The following DMD variants were observed in gnomAD, a reference collection of about 807,000 sequenced individuals.
The protein encoded by DMD is mutant dystrophin.
A neutral mutation model predicts 330.1 loss-of-function variants in DMD; 63 were observed. The ratio of observed to expected loss-of-function variants is 0.19; its 90% CI spans 0.16 to 0.24. The LOEUF (loss-of-function observed/expected upper bound fraction) is 0.24, where lower values mean the gene tolerates loss of function less well. Ranked by LOEUF, DMD falls within the 10% of genes least tolerant of loss-of-function variation. The pLI is 1.00. For missense variants in DMD, 3,344 were observed against 2,684.1 expected, an observed-to-expected ratio of 1.25 and a Z score of -5.43; for synonymous variants, 1,223 against 959.8, an observed-to-expected ratio of 1.27 and a Z score of -5.07.
intron 1 of DMD, among the ~76,000 whole-genome samples, chrX:33,229,847 T>C: frequency 8.9e-6 from 1 of 112,339 alleles, no homozygotes; most frequent in Non-Finnish European, 1.9e-5. Flanking sequence ...ATAGATTAAT[T>C]TGGAGATAAT....
intron 9 of DMD, among the ~76,000 whole-genome samples, chrX:32,647,539 G>A (rs945961286): frequency 1.8e-5 from 2 of 111,509 alleles, no homozygotes; most frequent in Admixed American, 9.6e-5. Context: ...CTCCTGTTAT[G>A]TTCCTATATG....
chrX:32,543,430 T>C (rs1490645285), intron 17 of DMD, among the ~76,000 whole-genome samples: 4 of 111,318 alleles, frequency 3.6e-5, no homozygotes, highest in Non-Finnish European at 7.5e-5. Context: ...TGTTAATTTC[T>C]GTATTAGGCA....
chrX:31,226,576 C>T (rs763967760), intron 63 of DMD, among the ~76,000 whole-genome samples: 1 of 111,464 alleles, frequency 9.0e-6, no homozygotes, highest in Non-Finnish European at 1.9e-5. Flanking sequence ...CTTTAATTGT[C>T]CTTCTCTCTC....
intron 1 of DMD, among the ~76,000 whole-genome samples, chrX:33,055,281 G>A (rs2094503591): frequency 1.8e-5 from 2 of 111,540 alleles, no homozygotes; most frequent in Admixed American, 9.6e-5. Flanking sequence ...GACTTGGGCC[G>A]TGACAAAATC....
At chrX:31,956,382 A>G (rs181375316) in intron 45 of DMD, among the ~76,000 whole-genome samples, 1,231 of 112,016 alleles carry the variant, frequency 0.011, 53 homozygotes, top group Admixed American at 0.11. Context: ...ATTTGTTGCT[A>G]TGGATAACAA....
intron 1 of DMD, among the ~76,000 whole-genome samples, chrX:33,332,082 A>G (rs754840179): frequency 8.9e-6 from 1 of 111,821 alleles, no homozygotes; most frequent in South Asian, 3.7e-4. Context: ...ATTACAGCTA[A>G]CTTGAGTTTT....
chrX:32,953,885 C>A (rs207478230), intron 2 of DMD, among the ~76,000 whole-genome samples: 4 of 112,059 alleles, frequency 3.6e-5, no homozygotes, highest in African/African-American at 1.3e-4. Context: ...AGCTGTTCTA[C>A]TGCATTAATC....
chrX:32,932,470 A>C (rs1261404865), intron 2 of DMD, among the ~76,000 whole-genome samples: 1 of 111,993 alleles, frequency 8.9e-6, no homozygotes, highest in Non-Finnish European at 1.9e-5. Context: ...TTTTCCATCT[A>C]TGGGGTAAAA....
At position 32,459,592 on chromosome X, in the gene DMD, C is replaced by G. The variant is rs760188571; in HGVS notation, c.3432+3847G>C. Among the ~76,000 whole-genome samples the G allele has an allele frequency of 2.7e-5, 3 of 111,352 alleles. No individual in the cohort carries two copies. In the East Asian group the frequency reaches 8.5e-4, roughly 32 times the overall value. ...ATATGGCTAAGATGGAACCGCTAGT[C>G]ACTCTAGTAAGCTATTCCATTTTGT... is the stretch of plus-strand genomic sequence containing the variant. On this transcript the variant is annotated intron_variant, in intron 25 of 78. Coordinates refer to ENST00000357033, the MANE Select transcript of DMD (RefSeq NM_004006.3).
Position 32,412,000 on chromosome X carries a change from T to C in DMD, c.4072-87A>G, listed in dbSNP as rs748405788. 38 of 1,189,587 alleles carry C rather than the reference T, an allele frequency of 3.2e-5. No homozygotes were observed. The South Asian group carries it at 5.8e-4, about 18-fold the overall frequency. On this transcript the variant is annotated intron_variant, in intron 29 of 78. Coordinates refer to ENST00000357033, the MANE Select transcript of DMD (RefSeq NM_004006.3). ...CCTGCTGAACAATAAATGAAGATTCTAGACTCTTCCACAATCACCTTTTTG... is the reference window on the plus strand; with the variant it reads ...CCTGCTGAACAATAAATGAAGATTCCAGACTCTTCCACAATCACCTTTTTG...
At chrX:32,256,376 G>A (rs886763132) in intron 43 of DMD, among the ~76,000 whole-genome samples, 2 of 103,318 alleles carry the variant, frequency 1.9e-5, no homozygotes, top group South Asian at 4.3e-4. Context: ...AAAATATTCC[G>A]CCATCCCTTT....
At chrX:31,494,239 C>T (rs769152758) in intron 57 of DMD, among the ~76,000 whole-genome samples, 81 of 109,648 alleles carry the variant, frequency 7.4e-4, no homozygotes, top group African/African-American at 2.6e-3. Flanking sequence ...AGGTACTGTA[C>T]CAGACAACTA....
rs776755942 is a variant in DMD at position 32,034,051 on chromosome X, G to A, written c.6439-65537C>T. On this transcript the variant is annotated intron_variant, in intron 44 of 78. Transcript: ENST00000357033. ...TCTTACAGCTGGGATGCTCTCCGAA[G>A]GCATTATTATTCCTTTTTCTTAAGG... Among the ~76,000 whole-genome samples, 8 of 111,613 alleles carry A rather than the reference G, an allele frequency of 7.2e-5. No homozygotes were observed. The Admixed American group carries it at 7.6e-4, about 11-fold the overall frequency.
intron 21 of DMD, among the ~76,000 whole-genome samples, chrX:32,483,820 CAA>C (rs770119472): frequency 2.7e-5 from 1 of 37,257 alleles, no homozygotes; most frequent in Non-Finnish European, 4.3e-5. Context: ...CTCTGAAGTA[CAA>C]AAAAAAAAAA....
chrX:31,481,201 T>C (rs1385428230), intron 57 of DMD, among the ~76,000 whole-genome samples: 2 of 112,559 alleles, frequency 1.8e-5, no homozygotes, highest in Non-Finnish European at 3.8e-5. Context: ...TGCCTCTCTA[T>C]GATCACATAT....
intron 1 of DMD, 140 bp downstream of exon 1, chrX:33,211,142 T>C (rs1228898627): frequency 4.5e-6 from 3 of 672,188 alleles, no homozygotes; most frequent in Non-Finnish European, 4.4e-6. Flanking sequence ...TAAATACATA[T>C]ATATATGCAG....
chrX:32,645,738 G>A (rs190758032), intron 9 of DMD, among the ~76,000 whole-genome samples: 1 of 112,071 alleles, frequency 8.9e-6, no homozygotes, highest in Admixed American at 9.5e-5. Flanking sequence ...TTTATTTCCA[G>A]AAGGCCACGA....
chrX:32,707,696 T>G (rs999698710), intron 7 of DMD, among the ~76,000 whole-genome samples: 3 of 111,887 alleles, frequency 2.7e-5, no homozygotes, highest in Non-Finnish European at 5.6e-5. Context: ...AATACATCCT[T>G]GACTATTTAA....
At chrX:33,241,987 C>T (rs1449673088) in intron 1 of DMD, among the ~76,000 whole-genome samples, 2 of 111,870 alleles carry the variant, frequency 1.8e-5, no homozygotes, top group African/African-American at 3.3e-5. Flanking sequence ...GTTTCAAACT[C>T]CTGACCTCAG....
Sources: allele counts gnomAD v4.1 joint callset (sites outside exome capture counted in the v4.1 genomes callset), GRCh38; gene constraint gnomAD v4.1.1; transcripts MANE v1.5; gene names NCBI Gene and HGNC (gene_info 2026-07-23, HGNC 2026-07-21).